NACC2: variants seen among roughly 807,000 people sequenced by gnomAD.
The protein encoded by NACC2 is nucleus accumbens-associated protein 2.
A neutral mutation model predicts 25.1 loss-of-function variants in NACC2; 8 were observed. The observed-to-expected ratio is 0.32, with a 90% CI of 0.19 to 0.57. The LOEUF (loss-of-function observed/expected upper bound fraction) is 0.57, where lower values mean the gene tolerates loss of function less well. Among genes scored for constraint, NACC2 ranks in the 20% least tolerant of loss-of-function variants. NACC2 has a pLI of 0.89. For synonymous variants in NACC2, 435 were observed against 294.7 expected, an observed-to-expected ratio of 1.48 and a Z score of -4.88; for missense variants, 644 against 650.2, an observed-to-expected ratio of 0.99 and a Z score of 0.10.
chr9:136,071,823 T>A (rs1186279493), intron 1 of NACC2, among the ~76,000 whole-genome samples: 3 of 152,092 alleles, frequency 2.0e-5, no homozygotes, highest in African/African-American at 4.8e-5. Flanking sequence ...CTGATTTTTT[T>A]AAAAAAGAGG....
chr9:136,056,188 C>T (rs1305588582), intron 1 of NACC2, among the ~76,000 whole-genome samples: 1 of 152,152 alleles, frequency 6.6e-6, no homozygotes, highest in African/African-American at 2.4e-5. Flanking sequence ...CTGGGTGTGG[C>T]ACCAGCTTAG....
At position 136,033,894 on chromosome 9, in the gene NACC2, GGTGTGTGTGTGTGTGTGTGTGTGT is replaced by G. The variant is rs57460855; in HGVS notation, c.886+15718_886+15741del. ...ATGCAATCCCAATCAAATTCCAGCAGGTGTGTGTGTGTGTGTGTGTGTGTGTGTGTGTGTGTGTGTGTGTGTGAG... is the reference window on the plus strand; with the variant it reads ...ATGCAATCCCAATCAAATTCCAGCAGGTGTGTGTGTGTGTGTGTGTGTGAG... On this transcript the variant is annotated intron_variant, in intron 2 of 5. Transcript: ENST00000277554. 8.0e-5 allele frequency among the ~76,000 whole-genome samples: 11 copies of G among 137,030 alleles called. No homozygotes were observed. In the East Asian group the frequency reaches 1.9e-3, roughly 24 times the overall value. 89.9% of individuals were successfully genotyped at this position (137,030 alleles called of 152,430 possible).
At chr9:136,050,926 G>C (rs1429470900) in intron 1 of NACC2, among the ~76,000 whole-genome samples, 1 of 152,042 alleles carries the variant, frequency 6.6e-6, no homozygotes, top group African/African-American at 2.4e-5. Flanking sequence ...AGGAGGTGGG[G>C]GCCGCCGGGG....
intron 2 of NACC2, among the ~76,000 whole-genome samples, chr9:136,040,186 A>T (rs1196210946): frequency 6.6e-6 from 1 of 152,050 alleles, no homozygotes; most frequent in African/African-American, 2.4e-5. Context: ...TCTACTAAAA[A>T]TACAAAAAAT....
chr9:136,087,857 C>T (rs1318920082), intron 1 of NACC2, among the ~76,000 whole-genome samples: 1 of 152,188 alleles, frequency 6.6e-6, no homozygotes, highest in Non-Finnish European at 1.5e-5. Flanking sequence ...CTGAGCTGCT[C>T]GAGGGAGGGC....
intron 3 of NACC2, 34 bp from the exon 4 acceptor site, chr9:136,014,003 C>G: frequency 1.3e-6 from 2 of 1,486,068 alleles, no homozygotes; most frequent in Non-Finnish European, 9.1e-7. Flanking sequence ...GGCTCGTGGC[C>G]TTCCCGGGCC....
chr9:136,049,499 C>T (rs1840781502), intron 2 of NACC2, 137 bp downstream of exon 2: 2 of 601,750 alleles, frequency 3.3e-6, no homozygotes, highest in Non-Finnish European at 3.0e-6. Flanking sequence ...CAGAGCTCTG[C>T]CACCTCCTCC....
At chr9:136,094,058 GCACGCGCTCCCGGAGGCAGCTC>G (rs1830461042) in intron 1 of NACC2, among the ~76,000 whole-genome samples, 1 of 152,198 alleles carries the variant, frequency 6.6e-6, no homozygotes, top group Non-Finnish European at 1.5e-5. Context: ...ACACCAAGGT[GCACGCGCTCCCGGAGGCAGCTC>G]CACGGGATGG....
At chr9:136,048,430 G>C (rs1158450240) in intron 2 of NACC2, among the ~76,000 whole-genome samples, 9 of 152,338 alleles carry the variant, frequency 5.9e-5, no homozygotes, top group African/African-American at 2.2e-4. Context: ...TCCGTAGCTA[G>C]CAAAGCTCCC....
At chr9:136,023,799 C>T (rs1041190000) in intron 2 of NACC2, among the ~76,000 whole-genome samples, 4 of 152,338 alleles carry the variant, frequency 2.6e-5, no homozygotes, top group Middle Eastern at 3.4e-3. Flanking sequence ...GCACATGGCA[C>T]GGGTCACTGT....
Position 136,010,920 on chromosome 9 carries a change from CCACACCCCTG to C in NACC2, c.*586_*595del, listed in dbSNP as rs1414297192. On this transcript the variant is annotated 3_prime_UTR_variant, in exon 6 of 6. Transcript: ENST00000277554. The surrounding 1 kb of genome is among the most constrained non-coding windows in gnomAD (Gnocchi z 4.9). ...GGCCACAGCCATCACTGCCCCCTCACCACACCCCTGCACACACACGCACACACACACACTC... is the reference window on the plus strand; with the variant it reads ...GGCCACAGCCATCACTGCCCCCTCACCACACACACGCACACACACACACTC... 6 of 152,366 alleles carry C rather than the reference CCACACCCCTG, an allele frequency of 3.9e-5. No homozygotes were observed. Among genetic ancestry groups the C allele is most frequent in the African/African-American group, 1.4e-4 (6 of 41,444 alleles). The allele number at this position is 152,366 out of a possible 1,614,324, so 9.4% of individuals were successfully genotyped here. A position where few individuals can be genotyped will look rare whatever the true frequency, so the allele number is the denominator to read the frequency against.
chr9:136,065,285 G>A (rs1442764526), intron 1 of NACC2, among the ~76,000 whole-genome samples: 1 of 152,174 alleles, frequency 6.6e-6, no homozygotes, highest in East Asian at 1.9e-4. Context: ...AGGAGTTCAA[G>A]ACCAGCCTCG....
At chr9:136,093,390 A>G (rs1427518233) in intron 1 of NACC2, among the ~76,000 whole-genome samples, 3 of 152,196 alleles carry the variant, frequency 2.0e-5, no homozygotes, top group African/African-American at 7.2e-5. Flanking sequence ...GAACCCTTCC[A>G]GCAGCCGGTG....
intron 2 of NACC2, among the ~76,000 whole-genome samples, chr9:136,049,367 T>C (rs1006823464): frequency 1.3e-5 from 2 of 152,310 alleles, no homozygotes; most frequent in South Asian, 4.1e-4. Flanking sequence ...GGCAGGTCCC[T>C]GGGCCACGGG....
intron 1 of NACC2, among the ~76,000 whole-genome samples, chr9:136,082,803 C>T (rs980509144): frequency 6.6e-6 from 1 of 152,200 alleles, no homozygotes; most frequent in South Asian, 2.1e-4. Context: ...ACAGACGCCC[C>T]GTTCTCTGGG....
chr9:136,050,176 C>A lies in NACC2; in HGVS notation c.346G>T (p.Gly116Cys). The A allele has an allele frequency of 1.3e-6, 1 of 770,766 alleles. No individual in the cohort carries two copies. The highest frequency in any genetic ancestry group is 2.4e-5 in the East Asian group (1 of 40,936). The allele number at this position is 770,766 out of a possible 1,614,324, so 47.7% of individuals were successfully genotyped here. The change falls in exon 2 of 6, where the codon GGC becomes TGC. Residue 116 changes from glycine (G) to cysteine (C), a missense_variant. Gly to Cys is a radical substitution (Grantham distance 159). Transcript: ENST00000277554. The part of the protein sequence containing the change: ...FLQIQHIVER[G>C]TDLMFKVSSP... ...CTCACCTTGAACATGAGGTCGGTGC[C>A]GCGCTCCACGATGTGCTGGATCTGC...
chr9:136,032,498 C>A (rs1840488927), intron 2 of NACC2, among the ~76,000 whole-genome samples: 1 of 152,158 alleles, frequency 6.6e-6, no homozygotes, highest in Admixed American at 6.5e-5. Context: ...GGAAGCTTTT[C>A]CTGAGTTTAG....
chr9:136,079,760 T>C (rs1440705760), intron 1 of NACC2, among the ~76,000 whole-genome samples: 1 of 152,144 alleles, frequency 6.6e-6, no homozygotes, highest in African/African-American at 2.4e-5. Context: ...ATTCTGCGAC[T>C]AGGAATAGGA....
chr9:136,021,208 A>G (rs1010634025), intron 2 of NACC2, among the ~76,000 whole-genome samples: 3 of 152,238 alleles, frequency 2.0e-5, no homozygotes, highest in Non-Finnish European at 4.4e-5. Flanking sequence ...ATCCAGTTCC[A>G]AGAATGGGCA....
Sources: allele counts gnomAD v4.1 joint callset (sites outside exome capture counted in the v4.1 genomes callset), GRCh38; gene constraint gnomAD v4.1.1; non-coding constraint Gnocchi (gnomAD v3.1); transcripts MANE v1.5; gene names NCBI Gene and HGNC (gene_info 2026-07-23, HGNC 2026-07-21).